Variants in SOS1 observed in about 807,000 individuals in gnomAD.
SOS1 encodes the protein SOS Ras/Rac guanine nucleotide exchange factor 1.
In SOS1, 25 loss-of-function variants were observed where a neutral mutation model predicts 157.6. That is an observed-to-expected ratio of 0.16 (90% CI 0.12 to 0.22). The LOEUF (loss-of-function observed/expected upper bound fraction) is 0.22. SOS1 is among the 10% of genes least tolerant of loss of function. The pLI is 1.00. For missense variants in SOS1, 1,237 were observed against 1,599.1 expected (o/e 0.77, Z 3.86); for synonymous variants, 528 against 534.0 (o/e 0.99, Z 0.16).
At chr2:39,085,080 T>G (rs1272924483) in intron 1 of SOS1, among the ~76,000 whole-genome samples, 1 of 152,192 alleles carries the variant, frequency 6.6e-6, no homozygotes, top group Non-Finnish European at 1.5e-5. Context: ...AGGGTCTTAC[T>G]CTGTCATGAG....
At chr2:39,023,272 C>G in intron 9 of SOS1, 47 bp from the exon 10 acceptor site, 1 of 1,444,124 alleles carries the variant, frequency 6.9e-7, no homozygotes, top group South Asian at 1.2e-5. Flanking sequence ...GACAGAAAAC[C>G]TAGAGCTCAT....
intron 8 of SOS1, 115 bp from the exon 9 acceptor site, chr2:39,024,252 ATG>A: frequency 3.6e-6 from 3 of 839,048 alleles, no homozygotes; most frequent in Non-Finnish European, 5.8e-6. Context: ...AAAATTTTAA[ATG>A]TGTCATCAAA....
rs1054843148 is a variant in SOS1 at position 39,015,802 on chromosome 2, CTTTTTTTTTTTT to C, written c.1859-968_1859-957del. Reference sequence around the variant, plus strand: ...TCAAGGCCCACATTTAATTGTAAATCTTTTTTTTTTTTTTTTTTTTTTTTAAGGAGGGGAAAG... The same window carrying C: ...TCAAGGCCCACATTTAATTGTAAATCTTTTTTTTTTTTAAGGAGGGGAAAG... On this transcript the variant is annotated intron_variant, in intron 10 of 22. Coordinates refer to ENST00000402219, the MANE Select transcript of SOS1 (RefSeq NM_005633.4). Among the ~76,000 whole-genome samples, 428 of 87,432 alleles carry C rather than the reference CTTTTTTTTTTTT, an allele frequency of 4.9e-3. 1 individual carries two copies. The highest frequency in any genetic ancestry group is 5.8e-3 in the Non-Finnish European group (263 of 45,072). The allele number at this position is 87,432 out of a possible 152,430, so 57.4% of individuals were successfully genotyped here. A position where few individuals can be genotyped will look rare whatever the true frequency, so the allele number is the denominator to read the frequency against.
intron 6 of SOS1, 93 bp from the exon 7 acceptor site, chr2:39,035,593 G>A: frequency 6.8e-6 from 6 of 884,828 alleles, no homozygotes; most frequent in South Asian, 1.4e-5. Flanking sequence ...GCACAATTAT[G>A]TATGTCTTTG....
upstream of SOS1, among the ~76,000 whole-genome samples, chr2:39,121,623 G>A (rs946998754): frequency 6.6e-6 from 1 of 152,212 alleles, no homozygotes; most frequent in Non-Finnish European, 1.5e-5. Flanking sequence ...TTCCTCCAGT[G>A]GATATCGAGA....
chr2:39,004,218 A>G (rs1669208877), intron 17 of SOS1, among the ~76,000 whole-genome samples: 1 of 152,230 alleles, frequency 6.6e-6, no homozygotes, highest in East Asian at 1.9e-4. Context: ...GATCAAGACC[A>G]TCTTGGCTAA....
At chr2:39,034,337 C>G (rs1314596282) in intron 8 of SOS1, among the ~76,000 whole-genome samples, 1 of 152,156 alleles carries the variant, frequency 6.6e-6, no homozygotes, top group African/African-American at 2.4e-5. Context: ...TGATTCATTA[C>G]AGAGAGCCCA....
chr2:39,086,414 G>A lies in SOS1; in HGVS notation c.88-18661C>T, dbSNP rs138429786. On this transcript the variant is annotated intron_variant, in intron 1 of 22. Coordinates refer to ENST00000402219, the MANE Select transcript of SOS1 (RefSeq NM_005633.4). ...CAGATGTTTTCATAAGTGGGAGAGG[G>A]AACAAGAGATCAAGAGTTCTGGACT... 4.3e-4 allele frequency among the ~76,000 whole-genome samples: 66 copies of A among 152,234 alleles called. No individual in the cohort carries two copies. In the Middle Eastern group the frequency reaches 0.014, roughly 31 times the overall value.
intron 10 of SOS1, among the ~76,000 whole-genome samples, chr2:39,016,351 A>G (rs1669630315): frequency 6.6e-6 from 1 of 152,136 alleles, no homozygotes; most frequent in Non-Finnish European, 1.5e-5. Flanking sequence ...ATTTAAATAC[A>G]TATAATCCTT....
chr2:39,026,017 A>G (rs1669949178), intron 8 of SOS1, among the ~76,000 whole-genome samples: 1 of 152,202 alleles, frequency 6.6e-6, no homozygotes, highest in Non-Finnish European at 1.5e-5. Context: ...CTAGAGGCAT[A>G]ATCTACATTT....
At chr2:39,075,921 G>C (rs957645141) in intron 1 of SOS1, among the ~76,000 whole-genome samples, 23 of 152,024 alleles carry the variant, frequency 1.5e-4, no homozygotes, top group Non-Finnish European at 3.4e-4. Context: ...CATTTCTAAT[G>C]GTTTTCTAAT....
At position 39,120,980 on chromosome 2, in the gene SOS1, G is replaced by GCCGCCGCCGCCACCGCCGCCGCCA. The variant is rs1253841842; in HGVS notation, c.-559_-558insTGGCGGCGGCGGTGGCGGCGGCGG. 5.7e-6 allele frequency: 1 copy of GCCGCCGCCGCCACCGCCGCCGCCA among 175,914 alleles called. No individual in the cohort carries two copies. The highest frequency in any genetic ancestry group is 1.3e-4 in the South Asian group (1 of 7,712). The allele number at this position is 175,914 out of a possible 1,614,324, so 10.9% of individuals were successfully genotyped here. ...CTGGCTGCCCTGAGGTGCCGCCGCG[G>GCCGCCGCCGCCACCGCCGCCGCCA]CCGCCGCCGCCACCGCCGCCGCCGG... is the stretch of plus-strand genomic sequence containing the variant. On this transcript the variant is annotated 5_prime_UTR_variant, in exon 1 of 23. Transcript: ENST00000402219.
intron 14 of SOS1, 139 bp from the exon 15 acceptor site, chr2:39,010,842 A>C (rs938627044): frequency 2.5e-5 from 17 of 675,054 alleles, no homozygotes; most frequent in Middle Eastern, 4.0e-4. Context: ...CTGTGAAAAC[A>C]AGGTATAACA....
At position 39,013,985 on chromosome 2, in the gene SOS1, C is replaced by G; in HGVS notation, c.1945G>C (p.Glu649Gln). ...ELLSLIIERF[E>Q]IPEPEPTEAD... is the part of the protein sequence containing the mutation. ...TCTGTTGGCTCAGGCTCTGGAATTTCAAACCTAACATAAAATAGAACAAAT... is the reference window on the plus strand; with the variant it reads ...TCTGTTGGCTCAGGCTCTGGAATTTGAAACCTAACATAAAATAGAACAAAT... Residue 649 changes from glutamate to glutamine, a missense_variant, in exon 12 of 23, where the codon GAA becomes CAA. By Grantham distance (29) the Glu-to-Gln change is conservative. Around this residue, in one of 15 missense-constraint regions of SOS1, gnomAD observed 55 missense variants for 43.1 expected, o/e 1.27. Transcript: ENST00000402219. 6.2e-7 allele frequency: 1 copy of G among 1,601,058 alleles called. No homozygotes were observed. The highest frequency in any genetic ancestry group is 1.1e-5 in the South Asian group (1 of 90,828).
In SOS1 at chr2:38,985,193, AAACAAC is replaced by A. The variant is rs905646121; in HGVS notation, c.*625_*630del. On this transcript the variant is annotated 3_prime_UTR_variant, in exon 23 of 23. Transcript: ENST00000402219. ...CTTAAAATTGGTACAATTATTCCTA[AAACAAC>A]AACAACAACAAAAAAGTACCTCTTT... 1.2e-4 allele frequency: 19 copies of A among 152,748 alleles called. No individual in the cohort carries two copies. Among genetic ancestry groups the A allele is most frequent in the Admixed American group, 1.2e-3 (18 of 15,320 alleles). The allele number at this position is 152,748 out of a possible 1,614,324, so 9.5% of individuals were successfully genotyped here.
intron 1 of SOS1, among the ~76,000 whole-genome samples, chr2:39,074,662 G>A (rs1005360499): frequency 1.3e-5 from 2 of 152,108 alleles, no homozygotes; most frequent in African/African-American, 4.8e-5. Context: ...GAGGTCAGGA[G>A]TTCAAGACCA....
chr2:38,989,376 C>CAA, intron 20 of SOS1, 62 bp from the exon 21 acceptor site: 2 of 1,019,442 alleles, frequency 2.0e-6, no homozygotes. Flanking sequence ...AACTCATCTG[C>CAA]AAAAATTTGT....
intron 2 of SOS1, among the ~76,000 whole-genome samples, chr2:39,060,722 G>T (rs1052538869): frequency 1.3e-5 from 2 of 152,166 alleles, no homozygotes; most frequent in Non-Finnish European, 2.9e-5. Context: ...ACTGTGCCCG[G>T]CCTGTTTTAT....
intron 1 of SOS1, among the ~76,000 whole-genome samples, chr2:39,096,640 C>A (rs1672774479): frequency 6.6e-6 from 1 of 152,182 alleles, no homozygotes; most frequent in Admixed American, 6.5e-5. Context: ...AATCCCAGCA[C>A]TTTGGGAGGC....
Sources: gnomAD v4.1 joint callset for allele counts (sites outside exome capture counted in the v4.1 genomes callset) on GRCh38, gnomAD v4.1.1 for gene constraint, gnomAD v4.1.1 regional missense constraint, MANE v1.5 for transcripts, NCBI Gene and HGNC (gene_info 2026-07-23, HGNC 2026-07-21) for gene names.